PPP6R2: variants seen among roughly 807,000 people sequenced by gnomAD.
PPP6R2 encodes the protein protein phosphatase 6 regulatory subunit 2, also known as serine/threonine-protein phosphatase 6 regulatory subunit 2.
A neutral mutation model predicts 100.2 loss-of-function variants in PPP6R2; 62 were observed. The ratio of observed to expected loss-of-function variants is 0.62; its 90% confidence interval spans 0.50 to 0.76. PPP6R2 has a LOEUF of 0.76. Among genes scored for constraint, PPP6R2 ranks in the 30% least tolerant of loss-of-function variants. The probability of loss-of-function intolerance (pLI) is 0.00; values close to 1 mark genes in which losing one functional copy is unlikely to be tolerated. For missense variants in PPP6R2, 1,142 were observed against 1,276.3 expected (o/e 0.89, Z 1.60); for synonymous variants, 525 against 514.7 (o/e 1.02, Z -0.27).
At chr22:50,419,779 G>C (rs2061056316) in intron 8 of PPP6R2, among the ~76,000 whole-genome samples, 2 of 152,188 alleles carry the variant, frequency 1.3e-5, no homozygotes, top group South Asian at 4.1e-4. Flanking sequence ...AGTCCCCACA[G>C]CTCCCGTGTG....
rs903166409 is a variant in PPP6R2 at position 50,407,236 on chromosome 22, A to C, written c.414+361A>C. On this transcript the variant is annotated intron_variant, in intron 4 of 23. Coordinates refer to ENST00000612753, the MANE Select transcript of PPP6R2 (RefSeq NM_001242898.2). ...GTGGTGCGCACCTGTCATCCCAGCTACTTGGGAGGCTGAGGCAGGAGAATC... is the reference window on the plus strand; with the variant it reads ...GTGGTGCGCACCTGTCATCCCAGCTCCTTGGGAGGCTGAGGCAGGAGAATC... Among the ~76,000 whole-genome samples the C allele has an allele frequency of 4.0e-5, 6 of 151,480 alleles. No homozygotes were observed. In the East Asian group the frequency reaches 1.2e-3, roughly 30 times the overall value.
At chr22:50,338,646 GGTAT>G (rs1461957120), upstream of PPP6R2, among the ~76,000 whole-genome samples, 2 of 136,928 alleles carry the variant, frequency 1.5e-5, no homozygotes, top group Non-Finnish European at 3.1e-5. Flanking sequence ...TGGTGTCTGT[GGTAT>G]GTAGTGTGTG....
At chr22:50,379,806 G>A (rs541143049) in intron 2 of PPP6R2, among the ~76,000 whole-genome samples, 1 of 152,158 alleles carries the variant, frequency 6.6e-6, no homozygotes, top group African/African-American at 2.4e-5. Context: ...CGTGAGCCTT[G>A]GAAGTTGACA....
chr22:50,381,653 G>T (rs1395658332), intron 2 of PPP6R2, among the ~76,000 whole-genome samples: 1 of 152,150 alleles, frequency 6.6e-6, no homozygotes, highest in African/African-American at 2.4e-5. Flanking sequence ...AGGCGTGGTG[G>T]CTCACGCCTG....
At chr22:50,375,505 C>G (rs2051296514) in intron 2 of PPP6R2, among the ~76,000 whole-genome samples, 1 of 152,148 alleles carries the variant, frequency 6.6e-6, no homozygotes, top group Admixed American at 6.6e-5. Flanking sequence ...CCTCCCCACA[C>G]CGATGGAACT....
chr22:50,377,178 G>A (rs1262919242), intron 2 of PPP6R2, among the ~76,000 whole-genome samples: 2 of 152,156 alleles, frequency 1.3e-5, no homozygotes, highest in African/African-American at 4.8e-5. Flanking sequence ...TTCAGGCCAG[G>A]TGAGGTGGCT....
intron 1 of PPP6R2, among the ~76,000 whole-genome samples, chr22:50,351,026 G>GGTTT (rs1386357403): frequency 0.012 from 934 of 80,696 alleles, 207 homozygotes; most frequent in African/African-American, 0.036. Context: ...TCTCAACAGT[G>GGTTT]TTTTTTTTTT....
At chr22:50,361,550 C>T (rs1401923219) in intron 1 of PPP6R2, among the ~76,000 whole-genome samples, 1 of 151,988 alleles carries the variant, frequency 6.6e-6, no homozygotes, top group Non-Finnish European at 1.5e-5. Flanking sequence ...TTGTTCACTG[C>T]CCCAGTTTCC....
At chr22:50,349,565 C>T (rs145741223) in intron 1 of PPP6R2, among the ~76,000 whole-genome samples, 137 of 152,142 alleles carry the variant, frequency 9.0e-4, no homozygotes, top group African/African-American at 3.0e-3. Flanking sequence ...GTGGCTCATG[C>T]CTGTAATCCC....
rs372098989 is a variant in PPP6R2, at chr22:50,440,955, G to A, written c.2508G>A (p.Ala836=). ...GDQKAASAMD[A]VSRGPGREAP... The stretch of plus-strand genomic sequence containing the variant: ...AGAAGGCAGCGAGTGCCATGGATGC[G>A]GTGAGCAGGGGTCCCGGCCGGGAGG... The change falls in exon 22 of 24, where the codon GCG becomes GCA. Residue 836 remains alanine (A), a synonymous_variant. Coordinates refer to ENST00000612753, the MANE Select transcript of PPP6R2 (RefSeq NM_001242898.2). 556 of 1,612,894 alleles carry A rather than the reference G, an allele frequency of 3.4e-4. 3 individuals are homozygous for A. Among genetic ancestry groups the A allele is most frequent in the Non-Finnish European group, 4.1e-4 (485 of 1,179,616 alleles).
At chr22:50,351,028 T>TG (rs2045025855) in intron 1 of PPP6R2, among the ~76,000 whole-genome samples, 3 of 64,000 alleles carry the variant, frequency 4.7e-5, no homozygotes, top group Admixed American at 3.3e-4. Context: ...TCAACAGTGT[T>TG]TTTTTTTTTT....
chr22:50,397,228 C>G (rs560851939), intron 3 of PPP6R2, among the ~76,000 whole-genome samples: 1 of 152,200 alleles, frequency 6.6e-6, no homozygotes, highest in East Asian at 1.9e-4. Context: ...TTAAATTACC[C>G]TGTGACTTCG....
At chr22:50,365,726 TTTA>T (rs2048642183) in intron 1 of PPP6R2, among the ~76,000 whole-genome samples, 1 of 138,450 alleles carries the variant, frequency 7.2e-6, no homozygotes, top group Non-Finnish European at 1.5e-5. Context: ...CAATTCTTTA[TTTA>T]TTATTATTTT....
chr22:50,369,905 A>ATTTTTTTTTTTTT (rs1353992863), intron 1 of PPP6R2, among the ~76,000 whole-genome samples: 1 of 123,642 alleles, frequency 8.1e-6, no homozygotes, highest in Non-Finnish European at 1.6e-5. Flanking sequence ...CAGCTAAGTA[A>ATTTTTTTTTTTTT]TTTTTTTTTT....
chr22:50,370,637 T>A (rs1257718503), intron 1 of PPP6R2, among the ~76,000 whole-genome samples: 2 of 151,480 alleles, frequency 1.3e-5, no homozygotes, highest in South Asian at 2.1e-4. Context: ...TTTCTTTTTT[T>A]CTTTTCATTT....
intron 6 of PPP6R2, among the ~76,000 whole-genome samples, chr22:50,417,468 G>A (rs967494038): frequency 6.6e-6 from 1 of 152,290 alleles, no homozygotes; most frequent in Admixed American, 6.5e-5. Context: ...GGTGATCCCT[G>A]TTGAGAGTTT....
At chr22:50,397,933 T>C (rs2057342085) in intron 3 of PPP6R2, among the ~76,000 whole-genome samples, 3 of 138,578 alleles carry the variant, frequency 2.2e-5, no homozygotes, top group African/African-American at 8.4e-5. Context: ...CCTTGTCATC[T>C]CTGAGCTTTT....
chr22:50,405,773 G>A (rs2058797694), intron 3 of PPP6R2, among the ~76,000 whole-genome samples: 1 of 137,314 alleles, frequency 7.3e-6, no homozygotes, highest in African/African-American at 2.8e-5. Flanking sequence ...CCTGGAGAGA[G>A]GTGAGAGGCC....
At chr22:50,398,766 C>T (rs558227991) in intron 3 of PPP6R2, among the ~76,000 whole-genome samples, 6 of 152,108 alleles carry the variant, frequency 3.9e-5, no homozygotes, top group Admixed American at 1.3e-4. Context: ...CTGCCTGCCT[C>T]GGCCTCCCAA....
Sources: gnomAD v4.1 joint callset for allele counts (sites outside exome capture counted in the v4.1 genomes callset) on GRCh38, gnomAD v4.1.1 for gene constraint, MANE v1.5 for transcripts, NCBI Gene and HGNC (gene_info 2026-07-23, HGNC 2026-07-21) for gene names.